TENM3: variants seen among roughly 807,000 people sequenced by gnomAD.
TENM3 encodes teneurin transmembrane protein 3, also known as teneurin-3.
Under a neutral mutation model 255.1 loss-of-function variants are expected in TENM3, and 63 were observed. The ratio of observed to expected loss-of-function variants is 0.25; its 90% CI spans 0.20 to 0.30. The LOEUF is 0.30. Among genes scored for constraint, TENM3 ranks in the 10% least tolerant of loss-of-function variants. The pLI, the probability that TENM3 is intolerant of heterozygous loss-of-function variation, is 1.00. For synonymous variants in TENM3, 1,306 were observed against 1,322.3 expected (o/e 0.99, Z 0.27); for missense variants, 2,929 against 3,461.1 (o/e 0.85, Z 3.86).
chr4:182,181,278 T>C (rs1752823371), intron 1 of TENM3, among the ~76,000 whole-genome samples: 1 of 152,200 alleles, frequency 6.6e-6, no homozygotes, highest in South Asian at 2.1e-4. Context: ...ACCAAAGCTC[T>C]GTTATGGCTT....
At chr4:182,717,194 G>T (rs994195626) in intron 13 of TENM3, among the ~76,000 whole-genome samples, 3 of 152,128 alleles carry the variant, frequency 2.0e-5, no homozygotes, top group African/African-American at 2.4e-5. Context: ...CATCACCACT[G>T]TTCAATGGTA....
chr4:181,589,645 T>C, the TENM3 span, among the ~76,000 whole-genome samples: 1 of 152,300 alleles, frequency 6.6e-6, no homozygotes, highest in African/African-American at 2.4e-5. Context: ...AAGAAAAGCA[T>C]ACAAATGTAT....
chr4:182,645,086 T>C (rs1752626892), intron 5 of TENM3, among the ~76,000 whole-genome samples: 1 of 152,000 alleles, frequency 6.6e-6, no homozygotes, highest in Non-Finnish European at 1.5e-5. Flanking sequence ...TCTTCATAAT[T>C]GTTTTGTTTT....
chr4:182,187,326 G>C (rs1256133272), intron 1 of TENM3, among the ~76,000 whole-genome samples: 1 of 152,174 alleles, frequency 6.6e-6, no homozygotes, highest in Non-Finnish European at 1.5e-5. Flanking sequence ...AACTCATGTA[G>C]TAAATTTATT....
At chr4:181,452,534 A>G in the TENM3 span, among the ~76,000 whole-genome samples, 2 of 152,120 alleles carry the variant, frequency 1.3e-5, no homozygotes, top group South Asian at 4.1e-4. Context: ...TGGTGCCACC[A>G]TATGAAGAAG....
chr4:181,629,126 G>A, the TENM3 span, among the ~76,000 whole-genome samples: 1 of 152,032 alleles, frequency 6.6e-6, no homozygotes, highest in African/African-American at 2.4e-5. Flanking sequence ...TCATGATTTG[G>A]CTCTCTGTTT....
At chr4:182,466,073 T>C (rs767206594) in intron 3 of TENM3, among the ~76,000 whole-genome samples, 1 of 152,132 alleles carries the variant, frequency 6.6e-6, no homozygotes, top group Non-Finnish European at 1.5e-5. Flanking sequence ...TCAATGTAAA[T>C]CACCAAAGAA....
At chr4:181,824,946 G>A in the TENM3 span, among the ~76,000 whole-genome samples, 60 of 152,112 alleles carry the variant, frequency 3.9e-4, no homozygotes, top group Non-Finnish European at 7.5e-4. Context: ...CAGTCACTGC[G>A]CACATCAAGT....
intron 3 of TENM3, among the ~76,000 whole-genome samples, chr4:182,540,740 G>GA (rs564844666): frequency 9.5e-4 from 145 of 152,202 alleles, no homozygotes; most frequent in Non-Finnish European, 1.4e-3. Context: ...ATAGCTCGGT[G>GA]AAAAAAATAG....
chr4:182,581,726 G>A (rs1745513826), intron 3 of TENM3, among the ~76,000 whole-genome samples: 2 of 151,928 alleles, frequency 1.3e-5, no homozygotes, highest in South Asian at 4.2e-4. Flanking sequence ...GACAGAGCGA[G>A]ACTCCCTCTC....
chr4:182,580,400 A>G (rs985889328), intron 3 of TENM3, among the ~76,000 whole-genome samples: 1 of 152,130 alleles, frequency 6.6e-6, no homozygotes, highest in Admixed American at 6.5e-5. Context: ...TTTTGAAAAA[A>G]TACCTCTTCA....
chr4:181,985,941 T>C, the TENM3 span, among the ~76,000 whole-genome samples: 6 of 152,176 alleles, frequency 3.9e-5, no homozygotes, highest in Admixed American at 3.3e-4. Flanking sequence ...TTCATACATT[T>C]TTATATGCCT....
At chr4:181,872,241 A>G in the TENM3 span, among the ~76,000 whole-genome samples, 1 of 151,320 alleles carries the variant, frequency 6.6e-6, no homozygotes, top group Non-Finnish European at 1.5e-5. Flanking sequence ...ATATGTGTGT[A>G]TACATATATA....
chr4:182,143,932 G>C (rs1055148985), upstream of TENM3: 1 of 152,738 alleles, frequency 6.5e-6, no homozygotes, highest in Non-Finnish European at 1.5e-5. This position sits in a 1 kb window ranked among gnomAD's most constrained non-coding sequence, Gnocchi z 4.3. Flanking sequence ...GCCGGGAGGA[G>C]GGAAGGAGGG....
chr4:182,800,633 T>G lies in TENM3; in HGVS notation c.*282T>G, dbSNP rs1207376932. 1 of 334,680 alleles carries G rather than the reference T, an allele frequency of 3.0e-6. No individual in the cohort carries two copies. Among genetic ancestry groups the G allele is most frequent in the Non-Finnish European group, 5.5e-6 (1 of 182,740 alleles). The allele number at this position is 334,680 out of a possible 1,614,324, so 20.7% of individuals were successfully genotyped here. A position where few individuals can be genotyped will look rare whatever the true frequency, so the allele number is the denominator to read the frequency against. On this transcript the variant is annotated 3_prime_UTR_variant, in exon 28 of 28. Coordinates refer to ENST00000511685, the MANE Select transcript of TENM3 (RefSeq NM_001080477.4). Reference sequence around the variant, plus strand: ...ATCAAGGACAAAGGCCTCGACCTGTTGCGCTGGGCCGTCTGTTCCTTCTAG... The same window carrying G: ...ATCAAGGACAAAGGCCTCGACCTGTGGCGCTGGGCCGTCTGTTCCTTCTAG...
At chr4:181,929,515 C>T in the TENM3 span, among the ~76,000 whole-genome samples, 24 of 152,178 alleles carry the variant, frequency 1.6e-4, no homozygotes, top group South Asian at 4.2e-4. Context: ...AATACAGGAG[C>T]GCCCAGATTC....
the TENM3 span, among the ~76,000 whole-genome samples, chr4:181,933,262 T>C: frequency 6.6e-6 from 1 of 152,164 alleles, no homozygotes; most frequent in African/African-American, 2.4e-5. Flanking sequence ...GAAAGAGTAA[T>C]AAATATATTT....
chr4:181,495,905 A>T, the TENM3 span, among the ~76,000 whole-genome samples: 1,302 of 147,666 alleles, frequency 8.8e-3, 14 homozygotes, highest in South Asian at 0.032. Flanking sequence ...GACAAATTAA[A>T]AAAAAAAAAA....
At chr4:181,649,944 A>G in the TENM3 span, among the ~76,000 whole-genome samples, 1 of 152,144 alleles carries the variant, frequency 6.6e-6, no homozygotes, top group Non-Finnish European at 1.5e-5. Context: ...GCTGAAATTG[A>G]TGGAGTTCTG....
Sources: gnomAD v4.1 joint callset for allele counts (sites outside exome capture counted in the v4.1 genomes callset) on GRCh38, gnomAD v4.1.1 for gene constraint, Gnocchi (gnomAD v3.1) non-coding constraint, MANE v1.5 for transcripts, NCBI Gene and HGNC (gene_info 2026-07-23, HGNC 2026-07-21) for gene names.